The following GALNT13 variants were observed in gnomAD, a reference collection of about 807,000 sequenced individuals.
GALNT13 encodes the protein UDP-GalNAc:polypeptide N-acetylgalactosaminyltransferase 13.
In GALNT13, 28 loss-of-function variants were observed where a neutral mutation model predicts 64.2. The ratio of observed to expected loss-of-function variants is 0.44; its 90% confidence interval spans 0.32 to 0.60. The LOEUF is 0.60. GALNT13 is among the 20% of genes least tolerant of loss of function. The pLI is 0.05. For missense variants in GALNT13, 577 were observed against 669.8 expected (o/e 0.86, Z 1.53); for synonymous variants, 214 against 224.6 (o/e 0.95, Z 0.42).
intron 9 of GALNT13, among the ~76,000 whole-genome samples, chr2:154,395,290 C>G (rs972621652): frequency 1.3e-5 from 2 of 151,994 alleles, no homozygotes; most frequent in African/African-American, 2.4e-5. Flanking sequence ...AGAAAACATT[C>G]TTTTCTGATT....
the GALNT13 span, among the ~76,000 whole-genome samples, chr2:153,433,519 T>G: frequency 2.0e-5 from 3 of 152,304 alleles, no homozygotes; most frequent in African/African-American, 7.2e-5. Flanking sequence ...AATGCTTGTT[T>G]TTTCAAATAA....
chr2:154,150,962 C>T (rs1683973516), intron 4 of GALNT13, among the ~76,000 whole-genome samples: 1 of 152,006 alleles, frequency 6.6e-6, no homozygotes, highest in Non-Finnish European at 1.5e-5. Flanking sequence ...TATTACTTGC[C>T]TTCTGTTAGC....
At chr2:153,924,947 A>T (rs963111868) in intron 2 of GALNT13, among the ~76,000 whole-genome samples, 10 of 152,052 alleles carry the variant, frequency 6.6e-5, no homozygotes, top group African/African-American at 1.9e-4. Context: ...TATAGATGTT[A>T]GGTATTAGGC....
chr2:154,418,560 G>A (rs1700123975), intron 11 of GALNT13, among the ~76,000 whole-genome samples: 1 of 152,108 alleles, frequency 6.6e-6, no homozygotes, highest in Non-Finnish European at 1.5e-5. Flanking sequence ...AGAAGCAAGG[G>A]CTAGATTTTC....
At chr2:153,122,217 C>T in the GALNT13 span, among the ~76,000 whole-genome samples, 1 of 151,676 alleles carries the variant, frequency 6.6e-6, no homozygotes, top group African/African-American at 2.4e-5. Flanking sequence ...ACTGTAGCAC[C>T]CCTTGTACCA....
intron 3 of GALNT13, among the ~76,000 whole-genome samples, chr2:154,133,491 A>G (rs1320179447): frequency 3.7e-5 from 5 of 135,966 alleles, no homozygotes; most frequent in Admixed American, 7.9e-5. Flanking sequence ...AGTAATCTCA[A>G]CTCAATTCAT....
At chr2:154,439,195 C>T (rs899028502) in intron 12 of GALNT13, among the ~76,000 whole-genome samples, 33 of 152,172 alleles carry the variant, frequency 2.2e-4, no homozygotes, top group African/African-American at 7.5e-4. Context: ...AAATATTTTG[C>T]AGAATTCAGT....
chr2:153,902,823 A>C (rs1688321339), intron 2 of GALNT13, among the ~76,000 whole-genome samples: 1 of 152,100 alleles, frequency 6.6e-6, no homozygotes, highest in African/African-American at 2.4e-5. Context: ...GAGAGGCATC[A>C]TTTAAGCAAA....
the GALNT13 span, among the ~76,000 whole-genome samples, chr2:153,399,323 G>A: frequency 2.6e-5 from 4 of 152,192 alleles, no homozygotes; most frequent in African/African-American, 9.7e-5. Context: ...TTTGGTTACT[G>A]TAGCCTTGTA....
chr2:153,234,791 A>T, the GALNT13 span, among the ~76,000 whole-genome samples: 2 of 152,238 alleles, frequency 1.3e-5, no homozygotes, highest in African/African-American at 4.8e-5. Context: ...CTCTCTTCAC[A>T]TCTAATTTTG....
At chr2:153,828,975 T>G in the GALNT13 span, among the ~76,000 whole-genome samples, 1 of 152,150 alleles carries the variant, frequency 6.6e-6, no homozygotes, top group Non-Finnish European at 1.5e-5. Flanking sequence ...CACCAGTCTC[T>G]TTGCTAAAGC....
chr2:154,399,992 C>G (rs1319843702), intron 10 of GALNT13, among the ~76,000 whole-genome samples: 1 of 152,118 alleles, frequency 6.6e-6, no homozygotes, highest in Non-Finnish European at 1.5e-5. Context: ...CACTTTAAAA[C>G]TAGCCTTAAA....
the GALNT13 span, among the ~76,000 whole-genome samples, chr2:153,450,763 T>C: frequency 6.6e-5 from 10 of 152,146 alleles, no homozygotes; most frequent in Non-Finnish European, 1.5e-4. Context: ...ATGTCCCTCT[T>C]ATGTAATAGT....
chr2:153,549,653 G>A, the GALNT13 span, among the ~76,000 whole-genome samples: 1 of 152,084 alleles, frequency 6.6e-6, no homozygotes, highest in Non-Finnish European at 1.5e-5. Flanking sequence ...ATACAAGAAT[G>A]GGCTTAGCAA....
chr2:154,286,242 C>G (rs1025272545), intron 8 of GALNT13, among the ~76,000 whole-genome samples: 4 of 152,164 alleles, frequency 2.6e-5, no homozygotes, highest in Non-Finnish European at 5.9e-5. Context: ...CAAGATTGGG[C>G]ATTCTTGTTG....
intron 4 of GALNT13, among the ~76,000 whole-genome samples, chr2:154,181,487 G>A (rs1235234602): frequency 6.6e-6 from 1 of 152,000 alleles, no homozygotes; most frequent in Non-Finnish European, 1.5e-5. Context: ...TTGATTTAAA[G>A]TGAGTATGTA....
At chr2:154,395,368 A>T (rs1699008557) in intron 9 of GALNT13, among the ~76,000 whole-genome samples, 1 of 152,166 alleles carries the variant, frequency 6.6e-6, no homozygotes, top group Non-Finnish European at 1.5e-5. Flanking sequence ...CATTTTTCAT[A>T]TATACATGTG....
chr2:153,885,048 A>G (rs1201897397), intron 1 of GALNT13, among the ~76,000 whole-genome samples: 1 of 150,886 alleles, frequency 6.6e-6, no homozygotes, highest in Non-Finnish European at 1.5e-5. Flanking sequence ...CAAAAGATAA[A>G]ATAAAGTAAA....
At chr2:153,946,223 CA>C (rs925577213) in intron 3 of GALNT13, among the ~76,000 whole-genome samples, 15 of 152,056 alleles carry the variant, frequency 9.9e-5, no homozygotes, top group African/African-American at 3.6e-4. Context: ...TGGTCACATA[CA>C]AAAAATGTAA....
Sources: gnomAD v4.1 joint callset for allele counts (sites outside exome capture counted in the v4.1 genomes callset) on GRCh38, gnomAD v4.1.1 for gene constraint, MANE v1.5 for transcripts, NCBI Gene and HGNC (gene_info 2026-07-23, HGNC 2026-07-21) for gene names.